OR56A3: variants seen among roughly 807,000 people sequenced by gnomAD.
OR56A3 encodes the protein olfactory receptor 56A3.
In OR56A3, 23 loss-of-function variants were observed where a neutral mutation model predicts 17.5. The ratio of observed to expected loss-of-function variants is 1.32; its 90% confidence interval spans 0.95 to 1.87. OR56A3 has a LOEUF of 1.87. Ranked by LOEUF, OR56A3 falls within the 40% of genes most tolerant of loss-of-function variation. OR56A3 has a pLI of 0.00. For missense variants in OR56A3, 366 were observed against 380.1 expected (o/e 0.96, Z 0.31); for synonymous variants, 175 against 150.6 (o/e 1.16, Z -1.19).
chr11:6,002,900 A>G, the OR56A3 span: 5 of 1,614,108 alleles, frequency 3.1e-6, no homozygotes, highest in Non-Finnish European at 3.4e-6. Flanking sequence ...TGAGGGGCAG[A>G]GACAACCAGT....
intron 2 of OR56A3, 36 bp downstream of exon 2, chr11:5,945,118 T>C (rs1847861005): frequency 6.6e-6 from 1 of 152,224 alleles, no homozygotes; most frequent in Non-Finnish European, 1.5e-5. Flanking sequence ...TCATACAGTT[T>C]GGAGTTCACA....
chr11:5,947,526 C>T lies in OR56A3; in HGVS notation c.180C>T (p.His60=), dbSNP rs774688286. ...LMTIWLEASL[H]QPLYYLLSLL... is the part of the protein sequence containing the mutation. Reference sequence around the variant, plus strand: ...CCATCTGGCTGGAGGCCTCTCTGCACCAGCCCCTGTACTACCTGCTCAGCC... The same window carrying T: ...CCATCTGGCTGGAGGCCTCTCTGCATCAGCCCCTGTACTACCTGCTCAGCC... Residue 60 remains histidine, a synonymous_variant, in exon 3 of 3, where the codon CAC becomes CAT. Transcript: ENST00000641160. 1.2e-5 allele frequency: 20 copies of T among 1,613,920 alleles called. No homozygotes were observed. The South Asian group carries it at 1.8e-4, about 14-fold the overall frequency.
the OR56A3 span, chr11:6,020,966 A>G: frequency 6.6e-6 from 1 of 152,188 alleles, no homozygotes; most frequent in East Asian, 1.9e-4. Context: ...TCTTTGAGTA[A>G]AGAAGACTCA....
the OR56A3 span, among the ~76,000 whole-genome samples, chr11:5,969,370 CCTCT>C: frequency 1.6e-3 from 247 of 152,318 alleles, 2 homozygotes; most frequent in Middle Eastern, 0.014. Context: ...TCTCAGATAA[CCTCT>C]CTAACTGCTT....
At chr11:5,975,823 A>G in the OR56A3 span, among the ~76,000 whole-genome samples, 1 of 152,106 alleles carries the variant, frequency 6.6e-6, no homozygotes, top group Non-Finnish European at 1.5e-5. Flanking sequence ...CAGTCTCACC[A>G]ACAGTGTAAA....
At chr11:6,008,088 C>T in the OR56A3 span, among the ~76,000 whole-genome samples, 1 of 152,210 alleles carries the variant, frequency 6.6e-6, no homozygotes, top group Admixed American at 6.5e-5. Flanking sequence ...ACAGTCACCA[C>T]TCATGCACAA....
At chr11:5,980,138 C>A in the OR56A3 span, among the ~76,000 whole-genome samples, 1 of 151,998 alleles carries the variant, frequency 6.6e-6, no homozygotes, top group Non-Finnish European at 1.5e-5. Context: ...GTACCCTGTG[C>A]AGAGTAGCAG....
chr11:6,017,797 A>G, the OR56A3 span, among the ~76,000 whole-genome samples: 25 of 152,230 alleles, frequency 1.6e-4, no homozygotes, highest in African/African-American at 5.3e-4. Context: ...TAATCACCCA[A>G]CTATGGGCTT....
the OR56A3 span, among the ~76,000 whole-genome samples, chr11:5,966,893 AACACACACAC>A: frequency 4.1e-5 from 6 of 147,130 alleles, no homozygotes; most frequent in Non-Finnish European, 6.0e-5. Flanking sequence ...CACTTAAAGC[AACACACACAC>A]ACACACACAC....
rs1410255812 is a variant in OR56A3 at position 5,948,466 on chromosome 11, C to T, written c.*172C>T. 2 of 566,782 alleles carry T rather than the reference C, an allele frequency of 3.5e-6. No homozygotes were observed. The highest frequency in any genetic ancestry group is 6.3e-5 in the Admixed American group (2 of 31,844). The allele number at this position is 566,782 out of a possible 1,614,324, so 35.1% of individuals were successfully genotyped here. On this transcript the variant is annotated 3_prime_UTR_variant, in exon 3 of 3. Transcript: ENST00000641160. Reference sequence around the variant, plus strand: ...AATTTAAGTCTATCTTCCTTTTCACCCTTTTCTCAGAAATATTCTTGGCCC... The same window carrying T: ...AATTTAAGTCTATCTTCCTTTTCACTCTTTTCTCAGAAATATTCTTGGCCC...
chr11:6,002,023 C>T, the OR56A3 span: 1 of 1,522,330 alleles, frequency 6.6e-7, no homozygotes, highest in African/African-American at 1.4e-5. Flanking sequence ...ATTAACAACT[C>T]TAAAGGTGGA....
At chr11:6,009,852 C>T in the OR56A3 span, among the ~76,000 whole-genome samples, 3 of 152,128 alleles carry the variant, frequency 2.0e-5, no homozygotes, top group Non-Finnish European at 2.9e-5. Flanking sequence ...TGTGCAAATC[C>T]AGTTCCATCT....
the OR56A3 span, among the ~76,000 whole-genome samples, chr11:5,984,855 C>T: frequency 6.6e-6 from 1 of 152,212 alleles, no homozygotes; most frequent in African/African-American, 2.4e-5. Context: ...GAGCATCTTA[C>T]ATCAAAGTAG....
chr11:6,014,377 T>C, the OR56A3 span, among the ~76,000 whole-genome samples: 3,859 of 152,326 alleles, frequency 0.025, 161 homozygotes, highest in African/African-American at 0.084. Flanking sequence ...CTCCGGGTGC[T>C]GCTCTCATAA....
chr11:6,002,852 G>A, the OR56A3 span: 1 of 1,614,076 alleles, frequency 6.2e-7, no homozygotes, highest in Non-Finnish European at 8.5e-7. Context: ...TGATCAGGAG[G>A]GTGGTGTTAG....
At chr11:5,994,004 C>A in the OR56A3 span, 1 of 456,766 alleles carries the variant, frequency 2.2e-6, no homozygotes, top group Non-Finnish European at 4.3e-6. Flanking sequence ...AGATTGAAAT[C>A]TTTGCTGTCT....
the OR56A3 span, among the ~76,000 whole-genome samples, chr11:5,979,295 AC>A: frequency 4.6e-5 from 7 of 151,996 alleles, no homozygotes; most frequent in African/African-American, 1.7e-4. Flanking sequence ...TGGGATTGGC[AC>A]CAGCGCTTCT....
At chr11:5,974,689 G>A in the OR56A3 span, among the ~76,000 whole-genome samples, 1 of 152,162 alleles carries the variant, frequency 6.6e-6, no homozygotes, top group Non-Finnish European at 1.5e-5. Flanking sequence ...ATGGTGAGAA[G>A]GACTGTAGGC....
downstream of OR56A3, among the ~76,000 whole-genome samples, chr11:5,956,240 G>A (rs1463568408): frequency 1.3e-5 from 2 of 152,192 alleles, no homozygotes; most frequent in East Asian, 1.9e-4. Flanking sequence ...AGATTATGAT[G>A]TTAGTTCTAT....
Sources: allele counts gnomAD v4.1 joint callset (sites outside exome capture counted in the v4.1 genomes callset), GRCh38; gene constraint gnomAD v4.1.1; transcripts MANE v1.5; gene names NCBI Gene and HGNC (gene_info 2026-07-23, HGNC 2026-07-21).